POLR3B: variants seen among roughly 807,000 people sequenced by gnomAD.
POLR3B encodes the protein DNA-directed RNA polymerase III subunit RPC2.
In POLR3B, 96 loss-of-function variants were observed where a neutral mutation model predicts 147.4. The ratio of observed to expected loss-of-function variants is 0.65; its 90% confidence interval spans 0.55 to 0.77. POLR3B has a LOEUF of 0.77. Among genes scored for constraint, POLR3B ranks in the 30% least tolerant of loss-of-function variants. The pLI, the probability that POLR3B is intolerant of heterozygous loss-of-function variation, is 0.00. For synonymous variants in POLR3B, 461 were observed against 485.9 expected (o/e 0.95, Z 0.67); for missense variants, 1,036 against 1,413.5 (o/e 0.73, Z 4.28).
At chr12:106,454,269 AGATTAAAATATAC>A (rs1443456686) in intron 19 of POLR3B, among the ~76,000 whole-genome samples, 3 of 152,234 alleles carry the variant, frequency 2.0e-5, no homozygotes, top group African/African-American at 7.2e-5. Context: ...TAAATTATTT[AGATTAAAATATAC>A]TTTATATTTT....
rs758437925 is a variant in POLR3B at position 106,410,844 on chromosome 12, C to T, written c.985C>T (p.Arg329Ter). 5.6e-6 allele frequency: 9 copies of T among 1,613,818 alleles called. No homozygotes were observed. Among genetic ancestry groups the T allele is most frequent in the South Asian group, 3.3e-5 (3 of 91,074 alleles). The part of the protein sequence containing the change: ...THVPVKEFNF[R>*]AKCIYTAVMV... ...CTTACAGGTTAAGGAATTCAATTTC[C>T]GAGCCAAATGTATCTATACTGCAGT... The change falls in exon 12 of 28, where the codon CGA becomes TGA. Residue 329 changes from arginine (R) to a stop codon, truncating the protein, a stop_gained. Transcript: ENST00000228347. LOFTEE classifies it high-confidence loss of function.
chr12:106,509,273 A>G (rs931326863), intron 27 of POLR3B, 147 bp from the exon 28 acceptor site: 10 of 824,484 alleles, frequency 1.2e-5, no homozygotes, highest in Non-Finnish European at 2.0e-5. Flanking sequence ...ATACGTACTT[A>G]TATGATAGTG....
chr12:106,398,200 C>G (rs886289725), intron 10 of POLR3B, among the ~76,000 whole-genome samples: 1 of 152,248 alleles, frequency 6.6e-6, no homozygotes, highest in South Asian at 2.1e-4. Flanking sequence ...GCACATGACT[C>G]GGAGGGTCCT....
intron 9 of POLR3B, among the ~76,000 whole-genome samples, chr12:106,384,280 C>T (rs1297849829): frequency 6.6e-6 from 1 of 152,202 alleles, no homozygotes; most frequent in Non-Finnish European, 1.5e-5. Flanking sequence ...GATGTAAATA[C>T]TATACACATT....
chr12:106,445,594 C>T (rs1349595024), intron 19 of POLR3B, among the ~76,000 whole-genome samples: 3 of 150,858 alleles, frequency 2.0e-5, no homozygotes, highest in African/African-American at 7.3e-5. Context: ...CCCCTGACCC[C>T]GCCAAAAAAA....
chr12:106,495,818 G>A, intron 23 of POLR3B: 1 of 641,994 alleles, frequency 1.6e-6, no homozygotes, highest in Non-Finnish European at 2.8e-6. Context: ...CAGCACCATT[G>A]TGTGCTATGC....
chr12:106,497,937 C>G (rs2038521363), intron 25 of POLR3B, among the ~76,000 whole-genome samples: 1 of 152,212 alleles, frequency 6.6e-6, no homozygotes. Flanking sequence ...CCTGTCTCCC[C>G]AACTAGAATG....
intron 26 of POLR3B, among the ~76,000 whole-genome samples, chr12:106,501,860 T>C (rs1230109292): frequency 6.6e-6 from 1 of 152,228 alleles, no homozygotes; most frequent in African/African-American, 2.4e-5. Context: ...TTAAAACTAA[T>C]GTTATTGAAG....
At position 106,405,877 on chromosome 12, in the gene POLR3B, C is replaced by A; in HGVS notation, c.867C>A (p.Asn289Lys). 1 of 1,612,854 alleles carries A rather than the reference C, an allele frequency of 6.2e-7. No individual in the cohort carries two copies. Reference protein sequence around the residue: ...TQMQALKYIGNKVRRQRMWGG... With the variant: ...TQMQALKYIGKKVRRQRMWGG... ...TATAGGCATTAAAATATATAGGGAA[C>A]AAAGTAAGAAGGCAAAGGATGTGGG... The change falls in exon 11 of 28, where the codon AAC becomes AAA. Residue 289 changes from asparagine to lysine, a missense_variant. This residue lies in a region of POLR3B where 217 missense variants were observed against 288.7 expected (regional missense o/e 0.75). Coordinates refer to ENST00000228347, the MANE Select transcript of POLR3B (RefSeq NM_018082.6).
At position 106,496,873 on chromosome 12, in the gene POLR3B, GT is replaced by G. The variant is rs1185129435; in HGVS notation, c.2941del (p.Tyr981IlefsTer18). On this transcript the variant is annotated frameshift_variant, in exon 25 of 28. Coordinates refer to ENST00000228347, the MANE Select transcript of POLR3B (RefSeq NM_018082.6). LOFTEE classifies it high-confidence loss of function. ...GTGTGTGAGGACCTCGTTCGCCATG[GT>G]TATAACTACTTGGGGAAAGACTATG... ...KDVCEDLVRH[G>X]YNYLGKDYVT... 1.2e-6 allele frequency: 2 copies of G among 1,613,946 alleles called. No individual in the cohort carries two copies. The highest frequency in any genetic ancestry group is 2.7e-5 in the African/African-American group (2 of 74,918).
At chr12:106,402,481 A>G (rs1159932740) in intron 10 of POLR3B, among the ~76,000 whole-genome samples, 1 of 152,198 alleles carries the variant, frequency 6.6e-6, no homozygotes, top group Non-Finnish European at 1.5e-5. Context: ...ATATGGAACC[A>G]AAAAAGAGCC....
chr12:106,467,174 TG>T (rs1438203931), intron 23 of POLR3B, among the ~76,000 whole-genome samples: 1 of 152,220 alleles, frequency 6.6e-6, no homozygotes, highest in African/African-American at 2.4e-5. Context: ...TCACATCCCT[TG>T]TAAGTTGGAT....
intron 5 of POLR3B, 43 bp downstream of exon 5, chr12:106,369,393 T>G (rs1336876453): frequency 2.6e-6 from 3 of 1,136,528 alleles, no homozygotes; most frequent in East Asian, 4.7e-5. Flanking sequence ...TTGCTTTAAC[T>G]CAGAGTCTGC....
chr12:106,394,324 A>G (rs2036953950), intron 10 of POLR3B, among the ~76,000 whole-genome samples: 1 of 152,166 alleles, frequency 6.6e-6, no homozygotes, highest in Non-Finnish European at 1.5e-5. Flanking sequence ...AGGAGATTCT[A>G]TTTTTGGCCT....
chr12:106,375,998 C>T (rs961827151), intron 6 of POLR3B, among the ~76,000 whole-genome samples: 13 of 152,202 alleles, frequency 8.5e-5, no homozygotes, highest in African/African-American at 2.9e-4. Context: ...GCACACACCA[C>T]CACACCCAGT....
rs17285274 is a variant in POLR3B, at chr12:106,358,097, C to A, written c.72+146C>A. ...GCGCATGCCCAGAGCGTCGCGCTTG[C>A]GAGTCTTTTTTCCAGAGCCGGCCTC... On this transcript the variant is annotated intron_variant, in intron 1 of 27. Transcript: ENST00000228347. 30 of 1,517,464 alleles carry A rather than the reference C, an allele frequency of 2.0e-5. No individual in the cohort carries two copies. In the African/African-American group the frequency reaches 4.0e-4, roughly 20 times the overall value. 94.0% of individuals were successfully genotyped at this position (1,517,464 alleles called of 1,614,324 possible).
chr12:106,506,803 T>A lies in POLR3B; in HGVS notation c.3272+2549T>A, dbSNP rs146428230. Among the ~76,000 whole-genome samples the A allele has an allele frequency of 2.0e-5, 3 of 152,254 alleles. No homozygotes were observed. In the East Asian group the frequency reaches 5.8e-4, roughly 29 times the overall value. On this transcript the variant is annotated intron_variant, in intron 27 of 27. Coordinates refer to ENST00000228347, the MANE Select transcript of POLR3B (RefSeq NM_018082.6). ...AGAAAAAAATCCTAATCCATTCTAG[T>A]AGTCTAGCCGCTGCCTCGGGTGCTG...
At chr12:106,498,643 G>C (rs1467146894) in intron 25 of POLR3B, among the ~76,000 whole-genome samples, 1 of 151,618 alleles carries the variant, frequency 6.6e-6, no homozygotes, top group Non-Finnish European at 1.5e-5. Flanking sequence ...ATGCAATGGC[G>C]CTGTCTCAGC....
intron 19 of POLR3B, among the ~76,000 whole-genome samples, chr12:106,453,236 TC>T (rs1476223030): frequency 6.6e-6 from 1 of 152,014 alleles, no homozygotes; most frequent in Non-Finnish European, 1.5e-5. Flanking sequence ...GGTCTTGAAC[TC>T]CTAAGCTCAA....
Sources: allele counts gnomAD v4.1 joint callset (sites outside exome capture counted in the v4.1 genomes callset), GRCh38; gene constraint gnomAD v4.1.1; regional missense constraint gnomAD v4.1.1; transcripts MANE v1.5; gene names NCBI Gene and HGNC (gene_info 2026-07-23, HGNC 2026-07-21).